Variants in UNC5D observed in about 807,000 individuals in gnomAD.
The protein encoded by UNC5D is unc-5 netrin receptor D, also known as netrin receptor UNC5D.
A neutral mutation model predicts 105.4 loss-of-function variants in UNC5D; 39 were observed. That is an observed-to-expected ratio of 0.37 (90% CI 0.29 to 0.48). The LOEUF is 0.48. Ranked by LOEUF, UNC5D falls within the 20% of genes least tolerant of loss-of-function variation. The pLI is 0.98. For synonymous variants in UNC5D, 452 were observed against 450.4 expected (o/e 1.00, Z -0.04); for missense variants, 991 against 1,202.4 (o/e 0.82, Z 2.60).
intron 1 of UNC5D, among the ~76,000 whole-genome samples, chr8:35,280,712 A>G (rs957924187): frequency 2.0e-5 from 3 of 152,220 alleles, no homozygotes; most frequent in African/African-American, 7.2e-5. Flanking sequence ...CTAGTTTACT[A>G]CTGCTGCCTC....
chr8:35,447,322 G>C (rs1488470993), intron 1 of UNC5D, among the ~76,000 whole-genome samples: 1 of 151,974 alleles, frequency 6.6e-6, no homozygotes, highest in East Asian at 1.9e-4. Flanking sequence ...TAGCATTCAG[G>C]GGGTTAATTA....
intron 4 of UNC5D, among the ~76,000 whole-genome samples, chr8:35,642,762 T>G (rs1822822423): frequency 6.6e-6 from 1 of 152,060 alleles, no homozygotes; most frequent in Non-Finnish European, 1.5e-5. Flanking sequence ...TGTGGCCCGG[T>G]ACAGATTTAA....
At chr8:35,364,995 G>A (rs1300323116) in intron 1 of UNC5D, among the ~76,000 whole-genome samples, 1 of 152,136 alleles carries the variant, frequency 6.6e-6, no homozygotes, top group African/African-American at 2.4e-5. Flanking sequence ...ACACTTCAGT[G>A]TGGATCATGC....
intron 2 of UNC5D, among the ~76,000 whole-genome samples, chr8:35,562,790 T>C (rs865876806): frequency 3.9e-5 from 6 of 152,102 alleles, no homozygotes; most frequent in African/African-American, 1.2e-4. Flanking sequence ...TCCTTTGCTG[T>C]TCAGAAGCTT....
chr8:35,513,076 C>G (rs978292723), intron 1 of UNC5D, among the ~76,000 whole-genome samples: 3 of 152,044 alleles, frequency 2.0e-5, no homozygotes, highest in Admixed American at 6.6e-5. Flanking sequence ...TTGCAGCACA[C>G]TTGCTTTCTT....
At position 35,322,568 on chromosome 8, in the gene UNC5D, A is replaced by G. The variant is rs1256258540; in HGVS notation, c.103+86681A>G. Among the ~76,000 whole-genome samples the G allele has an allele frequency of 2.0e-5, 3 of 152,206 alleles. No homozygotes were observed. In the East Asian group the frequency reaches 5.8e-4, roughly 29 times the overall value. ...TTGCTTCCCCTAGGGGACTGAATGA[A>G]GCAGTGTGCTTTCAGCCCTGCTCTG... is the stretch of plus-strand genomic sequence containing the variant. On this transcript the variant is annotated intron_variant, in intron 1 of 16. Coordinates refer to ENST00000404895, the MANE Select transcript of UNC5D (RefSeq NM_080872.4).
intron 4 of UNC5D, among the ~76,000 whole-genome samples, chr8:35,649,597 G>C (rs537996068): frequency 6.6e-6 from 1 of 152,118 alleles, no homozygotes; most frequent in East Asian, 1.9e-4. Context: ...TAACCTGACC[G>C]TGGAGAAACC....
chr8:35,729,655 C>G (rs766038500), intron 10 of UNC5D, among the ~76,000 whole-genome samples: 1 of 152,126 alleles, frequency 6.6e-6, no homozygotes, highest in Non-Finnish European at 1.5e-5. Context: ...TGTTTAGCAG[C>G]AGGGAGGTTT....
At chr8:35,458,635 G>T (rs1808658574) in intron 1 of UNC5D, among the ~76,000 whole-genome samples, 1 of 152,186 alleles carries the variant, frequency 6.6e-6, no homozygotes, top group African/African-American at 2.4e-5. Flanking sequence ...ACAGCCCAGG[G>T]ATACTGGAAG....
chr8:35,487,359 A>G (rs1810888814), intron 1 of UNC5D, among the ~76,000 whole-genome samples: 1 of 152,128 alleles, frequency 6.6e-6, no homozygotes, highest in African/African-American at 2.4e-5. Context: ...ATAATATGAA[A>G]GGACCTCATC....
At chr8:35,582,857 G>T (rs768824128) in intron 3 of UNC5D, among the ~76,000 whole-genome samples, 2 of 152,110 alleles carry the variant, frequency 1.3e-5, no homozygotes, top group Non-Finnish European at 2.9e-5. Flanking sequence ...CTAATTTCCT[G>T]TAGAAGACTC....
chr8:35,704,500 A>T (rs1827413766), intron 7 of UNC5D, among the ~76,000 whole-genome samples: 1 of 152,226 alleles, frequency 6.6e-6, no homozygotes, highest in African/African-American at 2.4e-5. Context: ...ATAATCCAAA[A>T]TGACAGTTTC....
chr8:35,770,920 T>A (rs1034564843), intron 15 of UNC5D, among the ~76,000 whole-genome samples: 8 of 152,210 alleles, frequency 5.3e-5, no homozygotes, highest in Admixed American at 1.3e-4. Context: ...ATCTCAGATG[T>A]GCAGAGCATG....
At position 35,525,761 on chromosome 8, in the gene UNC5D, C is replaced by T. The variant is rs929358950; in HGVS notation, c.104-23531C>T. 6.4e-6 allele frequency: 10 copies of T among 1,553,986 alleles called. No individual in the cohort carries two copies. In the Admixed American group the frequency reaches 7.8e-5, roughly 12 times the overall value. On this transcript the variant is annotated intron_variant, in intron 1 of 16. Coordinates refer to ENST00000404895, the MANE Select transcript of UNC5D (RefSeq NM_080872.4). ...TGAAGTACTCGCCCGGAGGAGCCGCCATCTTGGGAGTGCCGTAATGTGCTC... is the reference window on the plus strand; with the variant it reads ...TGAAGTACTCGCCCGGAGGAGCCGCTATCTTGGGAGTGCCGTAATGTGCTC...
At chr8:35,663,504 C>A (rs1282506576) in intron 4 of UNC5D, among the ~76,000 whole-genome samples, 1 of 152,142 alleles carries the variant, frequency 6.6e-6, no homozygotes, top group Non-Finnish European at 1.5e-5. Context: ...TAAAACTCTG[C>A]AAGAAAATGA....
At chr8:35,605,497 C>A (rs189801978) in intron 4 of UNC5D, among the ~76,000 whole-genome samples, 4 of 152,140 alleles carry the variant, frequency 2.6e-5, no homozygotes, top group Non-Finnish European at 5.9e-5. Flanking sequence ...GGTCAGGGAC[C>A]CACTTGAGGA....
chr8:35,660,280 C>G (rs1416883329), intron 4 of UNC5D, among the ~76,000 whole-genome samples: 1 of 152,164 alleles, frequency 6.6e-6, no homozygotes, highest in African/African-American at 2.4e-5. Context: ...TTGCCTAGAG[C>G]TGGTCTTATA....
chr8:35,317,852 T>TAACTTAGTTGACTTCTACTTAGACAAGAC (rs1809421222), intron 1 of UNC5D, among the ~76,000 whole-genome samples: 1 of 149,866 alleles, frequency 6.7e-6, no homozygotes, highest in Non-Finnish European at 1.5e-5. Context: ...TTAGACAAGA[T>TAACTTAGTTGACTTCTACTTAGACAAGAC]AACTTAGTTG....
intron 12 of UNC5D, 47 bp downstream of exon 12, chr8:35,748,742 C>T: frequency 6.3e-7 from 1 of 1,587,172 alleles, no homozygotes; most frequent in Non-Finnish European, 8.6e-7. Context: ...TTGGGTTCCA[C>T]CTATGGGATA....
Sources: allele counts gnomAD v4.1 joint callset (sites outside exome capture counted in the v4.1 genomes callset), GRCh38; gene constraint gnomAD v4.1.1; transcripts MANE v1.5; gene names NCBI Gene and HGNC (gene_info 2026-07-23, HGNC 2026-07-21).